Variants in LCP2 observed in about 807,000 individuals in gnomAD.
LCP2 encodes the protein lymphocyte cytosolic protein 2, also known as 76 kDa tyrosine phosphoprotein.
Under a neutral mutation model 74.5 loss-of-function variants are expected in LCP2, and 29 were observed. The observed-to-expected ratio is 0.39, with a 90% confidence interval of 0.29 to 0.53. The LOEUF (loss-of-function observed/expected upper bound fraction) is 0.53, where lower values mean the gene tolerates loss of function less well. Ranked by LOEUF, LCP2 falls within the 20% of genes least tolerant of loss-of-function variation. The pLI, the probability that LCP2 is intolerant of heterozygous loss-of-function variation, is 0.72. For synonymous variants in LCP2, 228 were observed against 229.5 expected, an observed-to-expected ratio of 0.99 and a Z score of 0.06; for missense variants, 604 against 634.6, an observed-to-expected ratio of 0.95 and a Z score of 0.52.
intron 6 of LCP2, among the ~76,000 whole-genome samples, chr5:170,272,902 G>A (rs555241559): frequency 4.6e-5 from 7 of 151,790 alleles, no homozygotes; most frequent in South Asian, 2.1e-4. Context: ...GTAAGCCACC[G>A]CACCCGGTTC....
In LCP2 at chr5:170,256,293, T is replaced by C. The variant is rs1581058500; in HGVS notation, c.1150+233A>G. The stretch of plus-strand genomic sequence containing the variant: ...GTGTGTGTGCATGTATATGTGCATG[T>C]GTGTATGGGCATGTATATGTATACG... On this transcript the variant is annotated intron_variant, in intron 17 of 20. Coordinates refer to ENST00000046794, the MANE Select transcript of LCP2 (RefSeq NM_005565.5). The surrounding 1 kb of genome is among the most constrained non-coding windows in gnomAD (Gnocchi z 4.5). 6.6e-6 allele frequency among the ~76,000 whole-genome samples: 1 copy of C among 152,190 alleles called. No individual in the cohort carries two copies. The highest frequency in any genetic ancestry group is 1.5e-5 in the Non-Finnish European group (1 of 68,034).
intron 14 of LCP2, among the ~76,000 whole-genome samples, chr5:170,259,421 A>G (rs1196073796): frequency 6.6e-6 from 1 of 152,202 alleles, no homozygotes; most frequent in Non-Finnish European, 1.5e-5. Flanking sequence ...GGTGGCTTAC[A>G]AGGTTCATCT....
At chr5:170,271,448 G>C (rs1761896312) in intron 6 of LCP2, among the ~76,000 whole-genome samples, 1 of 152,206 alleles carries the variant, frequency 6.6e-6, no homozygotes, top group Non-Finnish European at 1.5e-5. Context: ...TTGTGTCGAG[G>C]AGGGGACCGT....
intron 3 of LCP2, among the ~76,000 whole-genome samples, chr5:170,281,428 T>A (rs143188041): frequency 1.3e-5 from 2 of 152,178 alleles, no homozygotes; most frequent in East Asian, 1.9e-4. Context: ...TACAGGTGCC[T>A]GCCACCACAC....
intron 18 of LCP2, among the ~76,000 whole-genome samples, chr5:170,252,822 T>TA (rs1230787659): frequency 2.0e-5 from 3 of 152,130 alleles, no homozygotes; most frequent in Non-Finnish European, 4.4e-5. Flanking sequence ...CCTGCTTGAT[T>TA]AAAAAAATGG....
intron 4 of LCP2, chr5:170,275,587 GA>G (rs1472764843): frequency 1.6e-6 from 1 of 644,370 alleles, no homozygotes; most frequent in East Asian, 2.7e-5. Flanking sequence ...TGCTGTAGAG[GA>G]AGTTCCCCTG....
Position 170,268,464 on chromosome 5 carries a change from T to C in LCP2, c.542A>G (p.Lys181Arg). Residue 181 changes from lysine (K) to arginine (R), a missense_variant, in exon 8 of 21, where the codon AAA becomes AGA. Lys to Arg is a conservative substitution (Grantham distance 26). Coordinates refer to ENST00000046794, the MANE Select transcript of LCP2 (RefSeq NM_005565.5). ...SMYIDRPPSG[K>R]TPQQPPVPPQ... ...GGGCACAGGAGGCTGCTGGGGGGTT[T>C]TCCCAGAGGGGGGCCGGTCTGTGGA... 4.1e-6 allele frequency: 1 copy of C among 244,834 alleles called. No homozygotes were observed. Among genetic ancestry groups the C allele is most frequent in the South Asian group, 6.4e-5 (1 of 15,552 alleles). 15.2% of individuals were successfully genotyped at this position (244,834 alleles called of 1,614,324 possible). A position where few individuals can be genotyped will look rare whatever the true frequency, so the allele number is the denominator to read the frequency against.
chr5:170,260,071 C>T (rs1761624850), intron 14 of LCP2, among the ~76,000 whole-genome samples: 1 of 152,186 alleles, frequency 6.6e-6, no homozygotes, highest in Non-Finnish European at 1.5e-5. Flanking sequence ...TCAGGACACT[C>T]CTGAGGGGAA....
chr5:170,271,214 C>T (rs1037623257), intron 6 of LCP2, among the ~76,000 whole-genome samples: 2 of 152,142 alleles, frequency 1.3e-5, no homozygotes, highest in African/African-American at 2.4e-5. Flanking sequence ...TAGAAGGTAC[C>T]GGAATAGGCT....
At position 170,248,816 on chromosome 5, in the gene LCP2, A is replaced by G; in HGVS notation, c.1483T>C (p.Phe495Leu). 1.2e-6 allele frequency: 2 copies of G among 1,612,374 alleles called. No homozygotes were observed. Among genetic ancestry groups the G allele is most frequent in the Non-Finnish European group, 1.7e-6 (2 of 1,179,036 alleles). Residue 495 changes from phenylalanine to leucine, a missense_variant, in exon 21 of 21, where the codon TTT becomes CTT. Transcript: ENST00000046794. ...TCAATAATATCTGACACAGACAGAA[A>G]GTCCTGAAAGAGTCAAGATAGGGAG... is the stretch of plus-strand genomic sequence containing the variant. The part of the protein sequence containing the change: ...LGTGLRGKED[F>L]LSVSDIIDYF...
chr5:170,271,404 TAAAC>T (rs1761895518), intron 6 of LCP2, among the ~76,000 whole-genome samples: 1 of 152,022 alleles, frequency 6.6e-6, no homozygotes, highest in African/African-American at 2.4e-5. Context: ...GAAAAACAGA[TAAAC>T]AAAGCCTGTT....
chr5:170,262,732 C>T lies in LCP2; in HGVS notation c.829G>A (p.Glu277Lys). ...PSIPAGRSLG[E>K]HLPKIQKPPL... ...GGCTTTTGAATCTTGGGTAAATGCTCCCCGAGTGACCTGTGGAGTTCAGGA... is the reference window on the plus strand; with the variant it reads ...GGCTTTTGAATCTTGGGTAAATGCTTCCCGAGTGACCTGTGGAGTTCAGGA... The change falls in exon 13 of 21, where the codon GAG becomes AAG. Residue 277 changes from glutamate to lysine, a missense_variant. Coordinates refer to ENST00000046794, the MANE Select transcript of LCP2 (RefSeq NM_005565.5). 6.2e-7 allele frequency: 1 copy of T among 1,613,868 alleles called. No homozygotes were observed.
chr5:170,297,473 C>G (rs1425034746), intron 1 of LCP2, 61 bp downstream of exon 1: 3 of 1,455,258 alleles, frequency 2.1e-6, no homozygotes, highest in African/African-American at 2.8e-5. Flanking sequence ...CATCGTCAAG[C>G]CTCAGCTCAG....
At chr5:170,262,480 C>A (rs1040875035) in intron 13 of LCP2, among the ~76,000 whole-genome samples, 155 bp downstream of exon 13, 5 of 152,202 alleles carry the variant, frequency 3.3e-5, no homozygotes, top group South Asian at 2.1e-4. Flanking sequence ...TCATAGCCAA[C>A]CTGTGAAGCC....
chr5:170,257,150 T>C (rs76181611), intron 16 of LCP2, among the ~76,000 whole-genome samples: 2,378 of 152,286 alleles, frequency 0.016, 67 homozygotes, highest in African/African-American at 0.055. Flanking sequence ...CCCATCAGTC[T>C]AAACCTTTGG....
At chr5:170,264,585 G>A (rs1481376104) in intron 10 of LCP2, among the ~76,000 whole-genome samples, 1 of 152,224 alleles carries the variant, frequency 6.6e-6, no homozygotes, top group African/African-American at 2.4e-5. Context: ...ATCACTTGAG[G>A]CCAGGAGTTC....
chr5:170,292,086 C>A (rs1015730403), intron 2 of LCP2, among the ~76,000 whole-genome samples: 4 of 152,166 alleles, frequency 2.6e-5, no homozygotes, highest in Admixed American at 1.3e-4. Flanking sequence ...TCTGAACATA[C>A]CTTTCTGCTA....
chr5:170,263,101 G>T, intron 10 of LCP2, 109 bp from the exon 11 acceptor site: 1 of 1,305,664 alleles, frequency 7.7e-7, no homozygotes, highest in Non-Finnish European at 1.1e-6. Context: ...GGGGGTTGAT[G>T]GGGTTTAAGC....
rs754954977 is a variant in LCP2, at chr5:170,248,857, A to G, written c.1480-38T>C. 8.7e-5 allele frequency: 139 copies of G among 1,604,116 alleles called. 1 individual carries two copies. In the South Asian group the frequency reaches 1.4e-3, roughly 17 times the overall value. On this transcript the variant is annotated intron_variant, in intron 20 of 20. Transcript: ENST00000046794. ...AGATAGGGAGATGAGTCAACATTGG[A>G]ATGAAAAGCAGGAACTTCACTTTCA...
Sources: allele counts gnomAD v4.1 joint callset (sites outside exome capture counted in the v4.1 genomes callset), GRCh38; gene constraint gnomAD v4.1.1; non-coding constraint Gnocchi (gnomAD v3.1); transcripts MANE v1.5; gene names NCBI Gene and HGNC (gene_info 2026-07-23, HGNC 2026-07-21).